The following STIM2 variants were observed in gnomAD, a reference collection of about 807,000 sequenced individuals.
The protein encoded by STIM2 is stromal interaction molecule 2.
A neutral mutation model predicts 85.8 loss-of-function variants in STIM2; 31 were observed. That is an observed-to-expected ratio of 0.36 (90% CI 0.27 to 0.49). The LOEUF (loss-of-function observed/expected upper bound fraction) is 0.49, where lower values mean the gene tolerates loss of function less well. Ranked by LOEUF, STIM2 falls within the 20% of genes least tolerant of loss-of-function variation. STIM2 has a pLI of 0.98. For synonymous variants in STIM2, 356 were observed against 331.1 expected (o/e 1.08, Z -0.82); for missense variants, 841 against 927.6 (o/e 0.91, Z 1.21).
At chr4:26,998,853 A>G (rs957230615) in intron 4 of STIM2, among the ~76,000 whole-genome samples, 2 of 151,846 alleles carry the variant, frequency 1.3e-5, no homozygotes, top group African/African-American at 2.4e-5. Flanking sequence ...CGGAGGTTGC[A>G]GAGAGCCGAG....
chr4:26,884,643 G>A (rs911380088), intron 1 of STIM2, among the ~76,000 whole-genome samples: 4 of 152,184 alleles, frequency 2.6e-5, no homozygotes, highest in African/African-American at 7.2e-5. Context: ...GCATTTCAGT[G>A]TTCATCTGTC....
At chr4:26,870,297 CAA>C (rs36094333) in intron 1 of STIM2, among the ~76,000 whole-genome samples, 35 of 118,330 alleles carry the variant, frequency 3.0e-4, no homozygotes, top group African/African-American at 3.4e-4. Context: ...CTTAACACAC[CAA>C]AAAAAAAAAA....
At chr4:26,933,190 C>CAA (rs1161592168) in intron 2 of STIM2, among the ~76,000 whole-genome samples, 6 of 92,376 alleles carry the variant, frequency 6.5e-5, no homozygotes, top group East Asian at 3.0e-4. Context: ...ATTGAGAGCT[C>CAA]AAAAAAAAAA....
intron 7 of STIM2, among the ~76,000 whole-genome samples, chr4:27,004,081 A>T (rs1291719902): frequency 6.6e-6 from 1 of 152,228 alleles, no homozygotes; most frequent in Non-Finnish European, 1.5e-5. Context: ...CTGCCTTCTT[A>T]ATAGAGTGCT....
At chr4:27,006,321 G>C (rs1052704275) in intron 7 of STIM2, among the ~76,000 whole-genome samples, 1 of 152,132 alleles carries the variant, frequency 6.6e-6, no homozygotes, top group African/African-American at 2.4e-5. Flanking sequence ...AGAAGTTTGT[G>C]TATAGTACTC....
chr4:26,898,946 G>T (rs1560199805), intron 1 of STIM2, among the ~76,000 whole-genome samples: 1 of 147,924 alleles, frequency 6.8e-6, no homozygotes, highest in African/African-American at 2.5e-5. Flanking sequence ...GCAAATGACA[G>T]TTTTTTTTTT....
chr4:26,942,900 A>G (rs184464518), intron 2 of STIM2, among the ~76,000 whole-genome samples: 180 of 152,210 alleles, frequency 1.2e-3, no homozygotes, highest in African/African-American at 3.9e-3. Context: ...GGCTTCATAT[A>G]TCCAACTGCA....
At chr4:27,016,282 C>A (rs549155202) in intron 10 of STIM2, among the ~76,000 whole-genome samples, 22 of 152,126 alleles carry the variant, frequency 1.4e-4, no homozygotes, top group Admixed American at 4.6e-4. Flanking sequence ...ATTTGATATT[C>A]TTGGTCAATT....
At chr4:26,932,305 G>C (rs1725233389) in intron 2 of STIM2, among the ~76,000 whole-genome samples, 1 of 152,188 alleles carries the variant, frequency 6.6e-6, no homozygotes, top group Non-Finnish European at 1.5e-5. Flanking sequence ...GTTTGACAAG[G>C]AACTTTTGTA....
intron 2 of STIM2, among the ~76,000 whole-genome samples, chr4:26,940,163 G>A (rs958006041): frequency 2.6e-5 from 4 of 152,118 alleles, no homozygotes; most frequent in Non-Finnish European, 5.9e-5. Flanking sequence ...CAAATCATGC[G>A]GTCTGACTGG....
At chr4:26,958,693 A>G (rs1015827869) in intron 3 of STIM2, among the ~76,000 whole-genome samples, 4 of 151,988 alleles carry the variant, frequency 2.6e-5, no homozygotes, top group African/African-American at 7.2e-5. Context: ...TTTTAAAAAA[A>G]CCTCTCCATT....
intron 2 of STIM2, among the ~76,000 whole-genome samples, chr4:26,933,872 G>A (rs1725300568): frequency 6.6e-6 from 1 of 151,278 alleles, no homozygotes; most frequent in African/African-American, 2.4e-5. Flanking sequence ...TCAAACTATT[G>A]TACTAATGTT....
intron 1 of STIM2, chr4:26,874,403 G>C (rs549745094): frequency 4.6e-6 from 1 of 218,102 alleles, no homozygotes; most frequent in African/African-American, 2.3e-5. Context: ...CCCAACGTCT[G>C]CCCGACGCCA....
chr4:26,904,788 G>A (rs1038310396), intron 1 of STIM2, among the ~76,000 whole-genome samples: 8 of 150,774 alleles, frequency 5.3e-5, no homozygotes, highest in African/African-American at 1.7e-4. Flanking sequence ...AAGGATGGGA[G>A]CAAAAGCCCA....
intron 10 of STIM2, among the ~76,000 whole-genome samples, chr4:27,011,413 C>T (rs983536399): frequency 2.0e-5 from 3 of 152,072 alleles, no homozygotes; most frequent in Non-Finnish European, 2.9e-5. Flanking sequence ...TTTCTTGGCC[C>T]TTACAAACAA....
intron 1 of STIM2, among the ~76,000 whole-genome samples, chr4:26,866,698 A>G (rs1164141255): frequency 6.6e-6 from 1 of 152,224 alleles, no homozygotes; most frequent in African/African-American, 2.4e-5. Flanking sequence ...TCAAAATGTC[A>G]GCACATTTAA....
chr4:26,965,361 C>T (rs11727039), intron 3 of STIM2, among the ~76,000 whole-genome samples: 1 of 152,020 alleles, frequency 6.6e-6, no homozygotes, highest in Non-Finnish European at 1.5e-5. Context: ...AAAATAGTGT[C>T]TCTCTTGATT....
At position 26,969,556 on chromosome 4, in the gene STIM2, G is replaced by A. The variant is rs530885342; in HGVS notation, c.397+11830G>A. Among the ~76,000 whole-genome samples the A allele has an allele frequency of 1.7e-3, 259 of 152,312 alleles. 2 individuals carry two copies. The highest frequency in any genetic ancestry group is 2.6e-3 in the Non-Finnish European group (176 of 68,018). On this transcript the variant is annotated intron_variant, in intron 3 of 11. Coordinates refer to ENST00000467087, the MANE Select transcript of STIM2 (RefSeq NM_020860.4). Reference sequence around the variant, plus strand: ...GAGCCTGTGACCTTAGCAAAGGTAAGCATATCCCAGATTGCAATGTGAGAT... The same window carrying A: ...GAGCCTGTGACCTTAGCAAAGGTAAACATATCCCAGATTGCAATGTGAGAT...
chr4:27,013,833 T>C (rs145003776), intron 10 of STIM2, among the ~76,000 whole-genome samples: 3 of 152,210 alleles, frequency 2.0e-5, no homozygotes, highest in Non-Finnish European at 4.4e-5. Context: ...ATGGATTATT[T>C]GTTCTTTGAG....
Sources: gnomAD v4.1 joint callset for allele counts (sites outside exome capture counted in the v4.1 genomes callset) on GRCh38, gnomAD v4.1.1 for gene constraint, MANE v1.5 for transcripts, NCBI Gene and HGNC (gene_info 2026-07-23, HGNC 2026-07-21) for gene names.